Variants in ANO3 observed in about 807,000 individuals in gnomAD.
ANO3 encodes the protein anoctamin-3.
ANO3 carries 99 observed loss-of-function variants against 144.8 expected under a neutral mutation model. That is an observed-to-expected ratio of 0.68 (90% CI 0.58 to 0.81). The LOEUF (loss-of-function observed/expected upper bound fraction) is 0.81, where lower values mean the gene tolerates loss of function less well. ANO3 is among the 30% of genes least tolerant of loss of function. The pLI, the probability that ANO3 is intolerant of heterozygous loss-of-function variation, is 0.00. For synonymous variants in ANO3, 414 were observed against 392.6 expected, an observed-to-expected ratio of 1.05 and a Z score of -0.64; for missense variants, 905 against 1,202.2, an observed-to-expected ratio of 0.75 and a Z score of 3.66.
chr11:26,573,050 C>T (rs1015923444), intron 14 of ANO3, among the ~76,000 whole-genome samples: 1 of 152,088 alleles, frequency 6.6e-6, no homozygotes, highest in Non-Finnish European at 1.5e-5. Flanking sequence ...TGGGATCTTC[C>T]GCACATCAGC....
chr11:26,423,412 C>A (rs540041937), intron 1 of ANO3, among the ~76,000 whole-genome samples: 360 of 146,348 alleles, frequency 2.5e-3, no homozygotes, highest in African/African-American at 8.4e-3. Flanking sequence ...GGAAATAACT[C>A]AAAAATTGTT....
intron 1 of ANO3, among the ~76,000 whole-genome samples, chr11:26,221,954 T>G (rs1852154025): frequency 6.6e-6 from 1 of 152,086 alleles, no homozygotes; most frequent in Admixed American, 6.5e-5. Flanking sequence ...GGAACACACA[T>G]CTAAACCATA....
intron 14 of ANO3, among the ~76,000 whole-genome samples, chr11:26,587,529 T>C (rs1047085007): frequency 4.6e-5 from 7 of 152,164 alleles, no homozygotes; most frequent in African/African-American, 1.7e-4. Context: ...TCCAAGCTGG[T>C]TGCCTGTGTT....
intron 1 of ANO3, among the ~76,000 whole-genome samples, chr11:26,319,482 C>A (rs1291630946): frequency 6.6e-6 from 1 of 152,066 alleles, no homozygotes; most frequent in Non-Finnish European, 1.5e-5. Context: ...ATTTTGTCTC[C>A]ATTGTTTTGC....
chr11:26,523,249 T>A (rs951096599), intron 6 of ANO3, among the ~76,000 whole-genome samples: 7 of 152,154 alleles, frequency 4.6e-5, no homozygotes, highest in African/African-American at 9.7e-5. Context: ...GGGATTACAC[T>A]TCGAGATGAG....
chr11:26,462,214 A>G (rs1414987630), intron 3 of ANO3, among the ~76,000 whole-genome samples: 2 of 151,984 alleles, frequency 1.3e-5, no homozygotes, highest in African/African-American at 2.4e-5. Flanking sequence ...GTAGATATCA[A>G]CTGATCTAAT....
In ANO3 at chr11:26,612,088, G is replaced by T. The variant is rs1444733750; in HGVS notation, c.1836+12374G>T. Among the ~76,000 whole-genome samples the T allele has an allele frequency of 3.3e-5, 5 of 152,056 alleles. No homozygotes were observed. The East Asian group carries it at 9.7e-4, about 29-fold the overall frequency. On this transcript the variant is annotated intron_variant, in intron 17 of 26. Transcript: ENST00000256737. The stretch of plus-strand genomic sequence containing the variant: ...TCAGTATCTTTTAATTGGAGAATTT[G>T]TTCCATTTGTATTCACAGTTATCAT...
intron 13 of ANO3, among the ~76,000 whole-genome samples, chr11:26,555,597 G>A (rs760731825): frequency 6.6e-6 from 1 of 152,114 alleles, no homozygotes; most frequent in East Asian, 1.9e-4. Flanking sequence ...GGAAAAGTTA[G>A]CTTGCAAAGG....
At position 26,586,503 on chromosome 11, in the gene ANO3, C is replaced by CTTTTTTTTTT. The variant is rs550057766; in HGVS notation, c.1448-11853_1448-11844dup. Among the ~76,000 whole-genome samples, 107 of 81,448 alleles carry CTTTTTTTTTT rather than the reference C, an allele frequency of 1.3e-3. 19 individuals carry two copies. The highest frequency in any genetic ancestry group is 2.8e-3 in the African/African-American group (54 of 19,048). 53.4% of individuals were successfully genotyped at this position (81,448 alleles called of 152,430 possible). A position where few individuals can be genotyped will look rare whatever the true frequency, so the allele number is the denominator to read the frequency against. Reference sequence around the variant, plus strand: ...AAGAAGGGGCTTCCCTGGTGAGAATCTTTTTTTTTTTTTTTTTTGAGACAT... The same window carrying CTTTTTTTTTT: ...AAGAAGGGGCTTCCCTGGTGAGAATCTTTTTTTTTTTTTTTTTTTTTTTTTTTTGAGACAT... On this transcript the variant is annotated intron_variant, in intron 14 of 26. Transcript: ENST00000256737.
intron 1 of ANO3, among the ~76,000 whole-genome samples, chr11:26,233,284 G>T (rs554573487): frequency 6.6e-6 from 1 of 151,532 alleles, no homozygotes; most frequent in Admixed American, 6.6e-5. Context: ...GTGGGCAAAG[G>T]ATATGAACAG....
intron 1 of ANO3, among the ~76,000 whole-genome samples, chr11:26,200,621 T>C (rs986183434): frequency 6.6e-6 from 1 of 152,144 alleles, no homozygotes; most frequent in African/African-American, 2.4e-5. Flanking sequence ...AGATATGATG[T>C]GTTTCAGCAA....
intron 1 of ANO3, among the ~76,000 whole-genome samples, chr11:26,204,557 G>T (rs1040632222): frequency 6.6e-6 from 1 of 152,118 alleles, no homozygotes; most frequent in African/African-American, 2.4e-5. Flanking sequence ...GAAGCCCTAA[G>T]AACCTTTCAT....
chr11:26,511,200 C>T (rs1861650426), intron 5 of ANO3, among the ~76,000 whole-genome samples: 1 of 152,186 alleles, frequency 6.6e-6, no homozygotes, highest in Non-Finnish European at 1.5e-5. Context: ...CTTTCTCTGT[C>T]CTCCCAACTG....
chr11:26,459,693 A>G (rs1859310130), intron 3 of ANO3, among the ~76,000 whole-genome samples: 3 of 151,970 alleles, frequency 2.0e-5, no homozygotes, highest in Non-Finnish European at 4.4e-5. Flanking sequence ...AATAAGTAAA[A>G]ACACATTACA....
chr11:26,454,652 G>T (rs1184942697), intron 3 of ANO3, among the ~76,000 whole-genome samples: 1 of 151,240 alleles, frequency 6.6e-6, no homozygotes, highest in African/African-American at 2.4e-5. Context: ...AGAGGTACAA[G>T]GAGGAACTGG....
At chr11:26,396,465 A>C (rs1857015708) in intron 1 of ANO3, among the ~76,000 whole-genome samples, 1 of 152,178 alleles carries the variant, frequency 6.6e-6, no homozygotes. Flanking sequence ...AAGGGTTATA[A>C]ATCATTTTAC....
intron 1 of ANO3, among the ~76,000 whole-genome samples, chr11:26,228,519 T>G (rs575319864): frequency 2.0e-5 from 3 of 152,176 alleles, no homozygotes; most frequent in Admixed American, 2.0e-4. Context: ...CAGATCAGTG[T>G]AGGATATTTA....
chr11:26,559,047 C>G (rs563002394), intron 13 of ANO3: 1 of 152,214 alleles, frequency 6.6e-6, no homozygotes, highest in East Asian at 1.9e-4. Flanking sequence ...TGAATTTATA[C>G]TTTATTAAAA....
At chr11:26,444,724 T>C (rs1858644134) in intron 3 of ANO3, among the ~76,000 whole-genome samples, 2 of 152,218 alleles carry the variant, frequency 1.3e-5, no homozygotes, top group Admixed American at 6.5e-5. Flanking sequence ...TCTTGGTTTT[T>C]CTCTACAGGC....
Sources: gnomAD v4.1 joint callset for allele counts (sites outside exome capture counted in the v4.1 genomes callset) on GRCh38, gnomAD v4.1.1 for gene constraint, MANE v1.5 for transcripts, NCBI Gene and HGNC (gene_info 2026-07-23, HGNC 2026-07-21) for gene names.